Variants in USP34 observed in about 807,000 individuals in gnomAD.
USP34 encodes ubiquitin specific peptidase 34, also known as ubiquitin carboxyl-terminal hydrolase 34.
Under a neutral mutation model 460.3 loss-of-function variants are expected in USP34, and 70 were observed. The observed-to-expected ratio is 0.15, with a 90% confidence interval of 0.13 to 0.19. The LOEUF is 0.19. Among genes scored for constraint, USP34 ranks in the 10% least tolerant of loss-of-function variants. The pLI is 1.00. For synonymous variants in USP34, 1,647 were observed against 1,405.3 expected, an observed-to-expected ratio of 1.17 and a Z score of -3.85; for missense variants, 3,985 against 4,236.2, an observed-to-expected ratio of 0.94 and a Z score of 1.65.
At chr2:61,237,464 G>A (rs890035410) in intron 53 of USP34, among the ~76,000 whole-genome samples, 1 of 149,692 alleles carries the variant, frequency 6.7e-6, no homozygotes, top group East Asian at 2.0e-4. Context: ...AGTGCTTTTG[G>A]TTTTGCTCTG....
At chr2:61,390,437 C>T (rs541927278) in intron 5 of USP34, among the ~76,000 whole-genome samples, 2 of 152,162 alleles carry the variant, frequency 1.3e-5, no homozygotes, top group East Asian at 3.9e-4. Context: ...AAGCTGCATT[C>T]GCAAAGTAAG....
intron 8 of USP34, among the ~76,000 whole-genome samples, chr2:61,376,197 TTTTATATGTA>T (rs1558558184): frequency 6.6e-6 from 1 of 152,224 alleles, no homozygotes; most frequent in Non-Finnish European, 1.5e-5. Context: ...AAAAAGTGAA[TTTTATATGTA>T]TTTATATGTT....
At chr2:61,369,983 T>TTAAAAAAAAAAAAAAAAAACAAAAAA (rs1692567367) in intron 10 of USP34, among the ~76,000 whole-genome samples, 1 of 127,764 alleles carries the variant, frequency 7.8e-6, no homozygotes, top group Non-Finnish European at 1.7e-5. Context: ...TATGCCTATT[T>TTAAAAAAAAAAAAAAAAAACAAAAAA]AAAAAAAAAA....
Position 61,228,636 on chromosome 2 carries a change from T to A in USP34, c.7443+9A>T, listed in dbSNP as rs6730200. 97,237 of 1,607,532 alleles carry A rather than the reference T, an allele frequency of 0.06. 3,351 individuals are homozygous for A. The highest frequency in any genetic ancestry group is 0.07 in the Non-Finnish European group (82,398 of 1,176,482). On this transcript the variant is annotated intron_variant, in intron 61 of 79. Transcript: ENST00000398571. ...TCTAATACCTAATGTACGATAGAAC[T>A]GTACTTACATTTTCAGGTCCTTTTG...
chr2:61,450,214 C>T (rs1298683825), intron 1 of USP34, among the ~76,000 whole-genome samples: 3 of 151,974 alleles, frequency 2.0e-5, no homozygotes, highest in African/African-American at 7.3e-5. Flanking sequence ...ATTCCATATA[C>T]ACGAAAGGTT....
intron 41 of USP34, among the ~76,000 whole-genome samples, chr2:61,276,782 A>G (rs1047460637): frequency 4.6e-5 from 7 of 152,220 alleles, no homozygotes; most frequent in Non-Finnish European, 8.8e-5. Context: ...AAATAGCACA[A>G]GAAGGAGTTT....
chr2:61,333,495 G>C (rs540736805), intron 19 of USP34, among the ~76,000 whole-genome samples: 2 of 152,136 alleles, frequency 1.3e-5, no homozygotes, highest in Non-Finnish European at 2.9e-5. Context: ...ATAAGGTAGT[G>C]TCAAGATTAC....
rs749247547 is a variant in USP34 at position 61,190,426 on chromosome 2, G to A, written c.9730-12C>T. 1.9e-6 allele frequency: 3 copies of A among 1,597,364 alleles called. No individual in the cohort carries two copies. Among genetic ancestry groups the A allele is most frequent in the Admixed American group, 3.6e-5 (2 of 55,604 alleles). ...ACTTGACTTTGAACCTGAAAAAGAA[G>A]ATTTAAAAAAATCTCCAAAAGACCA... On this transcript the variant is annotated splice_polypyrimidine_tract_variant and intron_variant, in intron 77 of 79. Coordinates refer to ENST00000398571, the MANE Select transcript of USP34 (RefSeq NM_014709.4).
intron 1 of USP34, among the ~76,000 whole-genome samples, chr2:61,452,453 T>A (rs953007198): frequency 1.3e-5 from 2 of 150,816 alleles, no homozygotes; most frequent in East Asian, 4.0e-4. Flanking sequence ...GCCTCCCAAG[T>A]GGCTGGGATT....
chr2:61,202,707 C>G (rs1687010971), intron 75 of USP34, among the ~76,000 whole-genome samples: 1 of 152,208 alleles, frequency 6.6e-6, no homozygotes, highest in Non-Finnish European at 1.5e-5. Flanking sequence ...CTGCTTCACA[C>G]TGGCAAGCCC....
At chr2:61,366,873 C>A (rs571771581) in intron 10 of USP34, among the ~76,000 whole-genome samples, 39 of 152,026 alleles carry the variant, frequency 2.6e-4, no homozygotes, top group Non-Finnish European at 5.6e-4. Flanking sequence ...CAAGGCAAAG[C>A]CTCGTCTCTG....
intron 12 of USP34, 61 bp downstream of exon 12, chr2:61,350,199 T>A: frequency 6.6e-7 from 1 of 1,507,840 alleles, no homozygotes; most frequent in Non-Finnish European, 9.0e-7. Context: ...TAGCAGAAAA[T>A]ATTTCAAATC....
chr2:61,199,677 C>T (rs1686912238), intron 75 of USP34, among the ~76,000 whole-genome samples: 1 of 152,156 alleles, frequency 6.6e-6, no homozygotes, highest in Non-Finnish European at 1.5e-5. Flanking sequence ...CAATTTCCCA[C>T]CAATTTGGGA....
chr2:61,211,668 T>C, intron 69 of USP34, 104 bp downstream of exon 69: 1 of 1,250,074 alleles, frequency 8.0e-7, no homozygotes, highest in Non-Finnish European at 1.1e-6. Context: ...AGTGGCTACA[T>C]GCACAAATGC....
At chr2:61,211,405 T>C (rs1191836299) in intron 69 of USP34, among the ~76,000 whole-genome samples, 1 of 152,192 alleles carries the variant, frequency 6.6e-6, no homozygotes, top group African/African-American at 2.4e-5. Flanking sequence ...GATAGATATA[T>C]TTGGGCTAAA....
intron 41 of USP34, among the ~76,000 whole-genome samples, chr2:61,266,462 C>T (rs1417641360): frequency 6.6e-6 from 1 of 152,062 alleles, no homozygotes; most frequent in Non-Finnish European, 1.5e-5. Flanking sequence ...TTGTTAAGGC[C>T]TCATTATTCC....
intron 29 of USP34, among the ~76,000 whole-genome samples, chr2:61,297,220 A>C (rs938778526): frequency 6.6e-6 from 1 of 152,216 alleles, no homozygotes; most frequent in African/African-American, 2.4e-5. Flanking sequence ...AAGGCCAGAA[A>C]ATTCTAACAA....
intron 1 of USP34, among the ~76,000 whole-genome samples, chr2:61,434,658 A>G (rs566848280): frequency 6.6e-6 from 1 of 152,296 alleles, no homozygotes; most frequent in South Asian, 2.1e-4. Flanking sequence ...ACAGATGAAG[A>G]AACTACATTA....
At chr2:61,435,771 G>T (rs1160723415) in intron 1 of USP34, among the ~76,000 whole-genome samples, 1 of 151,936 alleles carries the variant, frequency 6.6e-6, no homozygotes, top group Non-Finnish European at 1.5e-5. Flanking sequence ...GCTCATGCCT[G>T]TAATCCCAGC....
Sources: gnomAD v4.1 joint callset for allele counts (sites outside exome capture counted in the v4.1 genomes callset) on GRCh38, gnomAD v4.1.1 for gene constraint, MANE v1.5 for transcripts, NCBI Gene and HGNC (gene_info 2026-07-23, HGNC 2026-07-21) for gene names.